Variants in FAAH2 observed in about 807,000 individuals in gnomAD.
The protein encoded by FAAH2 is fatty acid amide hydrolase 2.
Under a neutral mutation model 36.9 loss-of-function variants are expected in FAAH2, and 60 were observed. That is an observed-to-expected ratio of 1.63 (90% CI 1.32 to 2.02). The LOEUF (loss-of-function observed/expected upper bound fraction) is 2.02, where lower values mean the gene tolerates loss of function less well. Among genes scored for constraint, FAAH2 ranks in the 30% most tolerant of loss-of-function variants. The pLI, the probability that FAAH2 is intolerant of heterozygous loss-of-function variation, is 0.00. For synonymous variants in FAAH2, 214 were observed against 143.8 expected (o/e 1.49, Z -3.49); for missense variants, 689 against 397.5 (o/e 1.73, Z -6.23).
chrX:57,323,393 C>T (rs373066703), intron 3 of FAAH2, among the ~76,000 whole-genome samples: 1 of 111,355 alleles, frequency 9.0e-6, no homozygotes, highest in East Asian at 2.8e-4. Flanking sequence ...GTTCTAGATC[C>T]CTGAGGAATC....
chrX:57,446,818 G>C, intron 8 of FAAH2, 110 bp from the exon 9 acceptor site: 1 of 450,221 alleles, frequency 2.2e-6, no homozygotes, highest in Non-Finnish European at 3.8e-6. Context: ...CAATTGACTG[G>C]TATTTTACTG....
chrX:57,300,012 A>G (rs1187413589), intron 2 of FAAH2, among the ~76,000 whole-genome samples: 34 of 111,643 alleles, frequency 3.0e-4, no homozygotes, highest in African/African-American at 1.1e-3. Flanking sequence ...AATCAATATC[A>G]TGAAAATGGC....
At chrX:57,474,039 A>G (rs1056369312) in intron 10 of FAAH2, among the ~76,000 whole-genome samples, 31 of 111,487 alleles carry the variant, frequency 2.8e-4, no homozygotes, top group Admixed American at 2.5e-3. Context: ...TCCTATTACA[A>G]TAGTGTTAGT....
At chrX:57,342,245 A>G (rs1358014144) in intron 5 of FAAH2, among the ~76,000 whole-genome samples, 3 of 111,603 alleles carry the variant, frequency 2.7e-5, no homozygotes, top group African/African-American at 6.5e-5. Flanking sequence ...GGAGGCCATT[A>G]TCCTTAGCAA....
the FAAH2 span, among the ~76,000 whole-genome samples, chrX:57,198,613 G>A: frequency 1.8e-5 from 2 of 112,319 alleles, no homozygotes; most frequent in Non-Finnish European, 3.8e-5. Flanking sequence ...ATTTTACCCA[G>A]GATATTTAAT....
intron 8 of FAAH2, among the ~76,000 whole-genome samples, chrX:57,434,839 G>C (rs931367345): frequency 7.2e-5 from 8 of 111,285 alleles, no homozygotes; most frequent in Non-Finnish European, 1.5e-4. Context: ...TATATCTAAA[G>C]TCAACATAAA....
At chrX:57,473,977 G>T (rs771065305) in intron 10 of FAAH2, among the ~76,000 whole-genome samples, 4 of 111,142 alleles carry the variant, frequency 3.6e-5, no homozygotes, top group African/African-American at 1.3e-4. Context: ...CCTTTAAGTG[G>T]AGTATTTATG....
intron 5 of FAAH2, among the ~76,000 whole-genome samples, chrX:57,365,532 C>A (rs752347938): frequency 2.7e-5 from 3 of 111,744 alleles, no homozygotes; most frequent in Non-Finnish European, 5.6e-5. Flanking sequence ...TGACTCTGTG[C>A]TTTTGGCATG....
At chrX:57,382,829 G>A (rs970561607) in intron 7 of FAAH2, among the ~76,000 whole-genome samples, 2 of 111,347 alleles carry the variant, frequency 1.8e-5, no homozygotes, top group Non-Finnish European at 3.8e-5. Flanking sequence ...CATTTTATGA[G>A]GCCAGCATCA....
intron 4 of FAAH2, among the ~76,000 whole-genome samples, chrX:57,332,513 A>G (rs2053436411): frequency 8.9e-6 from 1 of 112,438 alleles, no homozygotes; most frequent in Admixed American, 9.4e-5. Flanking sequence ...AGACAGGCAG[A>G]TACAAAGAAG....
At chrX:57,486,356 G>A (rs4826568) in intron 10 of FAAH2, among the ~76,000 whole-genome samples, 40,683 of 110,380 alleles carry the variant, frequency 0.37, 6,454 homozygotes, top group Middle Eastern at 0.62. Flanking sequence ...GTTGGGTGGG[G>A]CCAGATGCTC....
At chrX:57,386,678 C>T (rs2055032199) in intron 7 of FAAH2, among the ~76,000 whole-genome samples, 1 of 111,846 alleles carries the variant, frequency 8.9e-6, no homozygotes, top group Non-Finnish European at 1.9e-5. Flanking sequence ...ACCCCAAACC[C>T]TTCCCTTTAC....
the FAAH2 span, among the ~76,000 whole-genome samples, chrX:57,228,531 C>T: frequency 6.3e-5 from 7 of 111,083 alleles, no homozygotes; most frequent in Non-Finnish European, 1.1e-4. Flanking sequence ...CAGTCTGCTT[C>T]CTTTAGAGGG....
chrX:57,179,483 A>G, the FAAH2 span, among the ~76,000 whole-genome samples: 1 of 112,175 alleles, frequency 8.9e-6, no homozygotes, highest in Non-Finnish European at 1.9e-5. Context: ...CTAATTTCAG[A>G]CAAAACAGAC....
Position 57,333,959 on chromosome X carries a change from G to A in FAAH2, c.622+2152G>A, listed in dbSNP as rs1157087987. 5.4e-5 allele frequency among the ~76,000 whole-genome samples: 6 copies of A among 111,379 alleles called. No individual in the cohort carries two copies. In the South Asian group the frequency reaches 1.1e-3, roughly 21 times the overall value. ...AGAAACATACCTTATCTGTAGAAGAGCAAAGACAGAATTATATTGGTATTT... is the reference window on the plus strand; with the variant it reads ...AGAAACATACCTTATCTGTAGAAGAACAAAGACAGAATTATATTGGTATTT... On this transcript the variant is annotated intron_variant, in intron 4 of 10. Coordinates refer to ENST00000374900, the MANE Select transcript of FAAH2 (RefSeq NM_174912.4).
At chrX:57,433,996 A>G (rs980425205) in intron 8 of FAAH2, among the ~76,000 whole-genome samples, 2 of 111,918 alleles carry the variant, frequency 1.8e-5, no homozygotes, top group Non-Finnish European at 3.8e-5. Context: ...TTCTTCAGCA[A>G]TAGACTCTGT....
chrX:57,426,277 G>C (rs185231573), intron 7 of FAAH2, among the ~76,000 whole-genome samples: 1 of 111,528 alleles, frequency 9.0e-6, no homozygotes, highest in African/African-American at 3.3e-5. Flanking sequence ...AATATTACTA[G>C]AACTAAGGAA....
intron 2 of FAAH2, among the ~76,000 whole-genome samples, chrX:57,293,824 C>T (rs1156530311): frequency 9.0e-6 from 1 of 110,753 alleles, no homozygotes; most frequent in Admixed American, 9.7e-5. Flanking sequence ...TACTAGGAGA[C>T]TGGAGAGGGT....
chrX:57,453,714 C>T (rs751759958), intron 10 of FAAH2, among the ~76,000 whole-genome samples: 1 of 112,170 alleles, frequency 8.9e-6, no homozygotes, highest in South Asian at 3.7e-4. Context: ...CTGTGTGTGG[C>T]CACAACTTCT....
Sources: gnomAD v4.1 joint callset for allele counts (sites outside exome capture counted in the v4.1 genomes callset) on GRCh38, gnomAD v4.1.1 for gene constraint, MANE v1.5 for transcripts, NCBI Gene and HGNC (gene_info 2026-07-23, HGNC 2026-07-21) for gene names.